Variants in PDE7A observed in about 807,000 individuals in gnomAD.
PDE7A encodes the protein phosphodiesterase 7A.
Under a neutral mutation model 64.3 loss-of-function variants are expected in PDE7A, and 39 were observed. The ratio of observed to expected loss-of-function variants is 0.61; its 90% CI spans 0.47 to 0.79. The LOEUF (loss-of-function observed/expected upper bound fraction) is 0.79. Ranked by LOEUF, PDE7A falls within the 30% of genes least tolerant of loss-of-function variation. The probability of loss-of-function intolerance (pLI) is 0.00; values close to 1 mark genes in which losing one functional copy is unlikely to be tolerated. For synonymous variants in PDE7A, 203 were observed against 206.8 expected (o/e 0.98, Z 0.16); for missense variants, 470 against 582.8 (o/e 0.81, Z 1.99).
chr8:65,795,369 C>T (rs1189429368), intron 1 of PDE7A, among the ~76,000 whole-genome samples: 1 of 152,128 alleles, frequency 6.6e-6, no homozygotes, highest in Non-Finnish European at 1.5e-5. Flanking sequence ...GCTGAGGTAC[C>T]TGGAATTTGC....
At chr8:65,838,191 T>C (rs1040048465) in intron 1 of PDE7A, among the ~76,000 whole-genome samples, 3 of 152,202 alleles carry the variant, frequency 2.0e-5, no homozygotes, top group East Asian at 3.8e-4. Flanking sequence ...TACCCATCAA[T>C]GTACTCACTC....
chr8:65,722,490 G>T (rs1479898621), intron 12 of PDE7A: 1 of 152,086 alleles, frequency 6.6e-6, no homozygotes, highest in Non-Finnish European at 1.5e-5. Context: ...CTGAACTTTG[G>T]GCACATATTT....
chr8:65,828,384 T>C (rs925245758), intron 1 of PDE7A, among the ~76,000 whole-genome samples: 1 of 152,136 alleles, frequency 6.6e-6, no homozygotes, highest in Non-Finnish European at 1.5e-5. Context: ...TCCCCCAAAG[T>C]TGTTATGTGT....
At chr8:65,812,703 CAAGAT>C (rs1171520534) in intron 1 of PDE7A, among the ~76,000 whole-genome samples, 2 of 152,212 alleles carry the variant, frequency 1.3e-5, no homozygotes, top group Admixed American at 6.5e-5. Flanking sequence ...TACAATGCAA[CAAGAT>C]AATGGCCAGA....
At chr8:65,802,147 T>C (rs1033334680) in intron 1 of PDE7A, among the ~76,000 whole-genome samples, 8 of 152,006 alleles carry the variant, frequency 5.3e-5, no homozygotes, top group Non-Finnish European at 1.2e-4. Flanking sequence ...ACACAGAAAG[T>C]AGAATAGAGG....
chr8:65,809,577 G>C (rs1415538110), intron 1 of PDE7A, among the ~76,000 whole-genome samples: 1 of 152,100 alleles, frequency 6.6e-6, no homozygotes, highest in African/African-American at 2.4e-5. Flanking sequence ...TCTACAGAAT[G>C]GGAGAAAATT....
At chr8:65,816,637 T>C (rs146280449) in intron 1 of PDE7A, among the ~76,000 whole-genome samples, 373 of 152,348 alleles carry the variant, frequency 2.4e-3, no homozygotes, top group Middle Eastern at 6.8e-3. Context: ...CACAGACAGT[T>C]TTCTTCTTCC....
At chr8:65,813,098 T>C (rs1810295518) in intron 1 of PDE7A, among the ~76,000 whole-genome samples, 10 of 152,118 alleles carry the variant, frequency 6.6e-5, no homozygotes, top group Admixed American at 6.5e-4. Context: ...TTGGACACAG[T>C]AGGCACTGTG....
chr8:65,816,345 A>G (rs1307254713), intron 1 of PDE7A, among the ~76,000 whole-genome samples: 3 of 152,216 alleles, frequency 2.0e-5, no homozygotes, highest in Non-Finnish European at 4.4e-5. Context: ...TAGATACTAA[A>G]TTTGTTTTTT....
At chr8:65,727,332 A>T (rs369122099) in intron 7 of PDE7A, 31 bp from the exon 8 acceptor site, 1 of 1,611,792 alleles carries the variant, frequency 6.2e-7, no homozygotes, top group Admixed American at 1.7e-5. Context: ...AATGAATCAC[A>T]GATATATCTA....
intron 1 of PDE7A, among the ~76,000 whole-genome samples, chr8:65,791,765 T>C (rs369222280): frequency 1.3e-5 from 2 of 152,186 alleles, no homozygotes; most frequent in Non-Finnish European, 2.9e-5. Flanking sequence ...GTCGTAAAGC[T>C]TTCATTGCTA....
chr8:65,743,979 T>G (rs1460044698), intron 5 of PDE7A, among the ~76,000 whole-genome samples: 1 of 152,112 alleles, frequency 6.6e-6, no homozygotes, highest in East Asian at 1.9e-4. Context: ...ATTAGAGACA[T>G]GAACCACCAC....
At chr8:65,818,178 A>G (rs1439065930) in intron 1 of PDE7A, among the ~76,000 whole-genome samples, 1 of 152,140 alleles carries the variant, frequency 6.6e-6, no homozygotes, top group Non-Finnish European at 1.5e-5. Flanking sequence ...GTCTTTACTA[A>G]ATCCAGTATT....
At chr8:65,828,103 CA>C (rs1047502300) in intron 1 of PDE7A, among the ~76,000 whole-genome samples, 1 of 151,328 alleles carries the variant, frequency 6.6e-6, no homozygotes, top group Non-Finnish European at 1.5e-5. Flanking sequence ...GGGACTATTT[CA>C]AAAAATAGCT....
intron 1 of PDE7A, among the ~76,000 whole-genome samples, chr8:65,809,557 G>A (rs923659121): frequency 6.6e-6 from 1 of 152,166 alleles, no homozygotes; most frequent in Admixed American, 6.5e-5. Flanking sequence ...CCATCAGAGT[G>A]AACAGGCAAT....
chr8:65,822,853 A>T (rs1279723783), intron 1 of PDE7A, among the ~76,000 whole-genome samples: 1 of 152,146 alleles, frequency 6.6e-6, no homozygotes, highest in African/African-American at 2.4e-5. Flanking sequence ...TTTTTGGAGG[A>T]GGTGGAAATA....
chr8:65,739,661 T>C (rs768729526), intron 5 of PDE7A, 64 bp from the exon 6 acceptor site: 63 of 1,325,068 alleles, frequency 4.8e-5, no homozygotes, highest in Admixed American at 2.7e-4. Context: ...ATATTATGCT[T>C]TGAAATACAG....
chr8:65,830,840 G>A (rs746216129), intron 1 of PDE7A, among the ~76,000 whole-genome samples: 1 of 151,654 alleles, frequency 6.6e-6, no homozygotes, highest in African/African-American at 2.4e-5. Flanking sequence ...ATTTCCTTTT[G>A]TTGCAGAAAA....
chr8:65,769,204 C>A (rs554445141), intron 3 of PDE7A, among the ~76,000 whole-genome samples: 3 of 143,440 alleles, frequency 2.1e-5, no homozygotes, highest in Non-Finnish European at 4.5e-5. Flanking sequence ...GCTAAGATCA[C>A]GCCACTGCAC....
Sources: gnomAD v4.1 joint callset for allele counts (sites outside exome capture counted in the v4.1 genomes callset) on GRCh38, gnomAD v4.1.1 for gene constraint, MANE v1.5 for transcripts, NCBI Gene and HGNC (gene_info 2026-07-23, HGNC 2026-07-21) for gene names.